SUPT3H: variants seen among roughly 807,000 people sequenced by gnomAD.
The protein encoded by SUPT3H is transcription initiation protein SPT3 homolog.
A neutral mutation model predicts 44.3 loss-of-function variants in SUPT3H; 44 were observed. The ratio of observed to expected loss-of-function variants is 0.99; its 90% CI spans 0.78 to 1.28. The LOEUF (loss-of-function observed/expected upper bound fraction) is 1.28, where lower values mean the gene tolerates loss of function less well. Among genes scored for constraint, SUPT3H ranks in the 50% most tolerant of loss-of-function variants. The pLI is 0.00. For missense variants in SUPT3H, 380 were observed against 387.1 expected (o/e 0.98, Z 0.15); for synonymous variants, 124 against 125.6 (o/e 0.99, Z 0.09).
chr6:44,893,248 TTAAG>T (rs1207700478), intron 10 of SUPT3H, among the ~76,000 whole-genome samples: 4 of 152,184 alleles, frequency 2.6e-5, no homozygotes, highest in Non-Finnish European at 5.9e-5. Context: ...TTATTATACT[TTAAG>T]TTTTAGGGTA....
At chr6:44,992,689 A>G (rs1478373573) in intron 6 of SUPT3H, among the ~76,000 whole-genome samples, 1 of 151,570 alleles carries the variant, frequency 6.6e-6, no homozygotes, top group East Asian at 1.9e-4. Context: ...GAAAACTTTT[A>G]AATTTCATCC....
chr6:44,976,422 C>T (rs190166519), intron 6 of SUPT3H, among the ~76,000 whole-genome samples: 8 of 151,570 alleles, frequency 5.3e-5, no homozygotes, highest in East Asian at 1.9e-4. Flanking sequence ...AGTGCAGTGG[C>T]GCAATCTTGG....
intron 2 of SUPT3H, among the ~76,000 whole-genome samples, chr6:45,171,487 T>C (rs1810759320): frequency 6.6e-6 from 1 of 152,064 alleles, no homozygotes; most frequent in South Asian, 2.1e-4. Flanking sequence ...CAGAAATCAG[T>C]ACATGCTATT....
chr6:44,821,539 T>C (rs1019440844), intron 11 of SUPT3H, among the ~76,000 whole-genome samples: 9 of 152,158 alleles, frequency 5.9e-5, no homozygotes, highest in African/African-American at 2.2e-4. Flanking sequence ...TTTAGTATCA[T>C]TAGCTGGGAA....
chr6:44,903,271 G>A (rs1026645112), intron 10 of SUPT3H, among the ~76,000 whole-genome samples: 18 of 151,984 alleles, frequency 1.2e-4, no homozygotes, highest in African/African-American at 1.7e-4. Flanking sequence ...CAACAAAATT[G>A]ATAGACCGCT....
At chr6:45,214,015 C>CAAA (rs11418358) in intron 2 of SUPT3H, among the ~76,000 whole-genome samples, 21,311 of 73,874 alleles carry the variant, frequency 0.29, 4,226 homozygotes, top group East Asian at 0.44. Flanking sequence ...TTTTGAAATG[C>CAAA]AAAAAAAAAA....
intron 1 of SUPT3H, among the ~76,000 whole-genome samples, chr6:45,376,583 G>A (rs569830898): frequency 2.0e-5 from 3 of 152,332 alleles, no homozygotes; most frequent in Admixed American, 6.5e-5. Flanking sequence ...CTAGTGAAAA[G>A]TGCAGCCCTA....
intron 10 of SUPT3H, among the ~76,000 whole-genome samples, chr6:44,839,737 T>C (rs940175285): frequency 6.6e-5 from 10 of 152,168 alleles, no homozygotes; most frequent in Non-Finnish European, 1.5e-4. Context: ...AGTCTCTCTC[T>C]GTCGCCCAGG....
At chr6:44,971,089 G>C (rs1368511569) in intron 6 of SUPT3H, among the ~76,000 whole-genome samples, 1 of 152,150 alleles carries the variant, frequency 6.6e-6, no homozygotes. Context: ...TCCCTTTGTT[G>C]CTACTATGTG....
chr6:44,900,444 T>A (rs1009831781), intron 10 of SUPT3H, among the ~76,000 whole-genome samples: 4 of 152,176 alleles, frequency 2.6e-5, no homozygotes, highest in African/African-American at 7.2e-5. Context: ...TAGTCTGAGA[T>A]CAAACCGCAA....
rs567891621 is a variant in SUPT3H at position 44,906,239 on chromosome 6, A to G, written c.912+26414T>C. On this transcript the variant is annotated intron_variant, in intron 10 of 10. Coordinates refer to ENST00000371459, the MANE Select transcript of SUPT3H (RefSeq NM_003599.4). ...CAAAAGCCATTATGCTTTTTACTCG[A>G]GTGTTAATGAATGCAAAGAGATTAG... is the stretch of plus-strand genomic sequence containing the variant. Among the ~76,000 whole-genome samples, 7 of 152,300 alleles carry G rather than the reference A, an allele frequency of 4.6e-5. No homozygotes were observed. The South Asian group carries it at 1.2e-3, about 27-fold the overall frequency.
chr6:45,316,223 T>C (rs1427134316), intron 2 of SUPT3H, among the ~76,000 whole-genome samples: 1 of 152,104 alleles, frequency 6.6e-6, no homozygotes, highest in Non-Finnish European at 1.5e-5. Flanking sequence ...TATGGTGCAG[T>C]GTATACTGCT....
chr6:45,190,602 T>C (rs997021463), intron 2 of SUPT3H, among the ~76,000 whole-genome samples: 2 of 152,072 alleles, frequency 1.3e-5, no homozygotes, highest in Non-Finnish European at 2.9e-5. Context: ...TTTGAAAACG[T>C]AGATAGTTTA....
chr6:45,071,849 C>T (rs1245218581), intron 3 of SUPT3H, among the ~76,000 whole-genome samples: 1 of 152,148 alleles, frequency 6.6e-6, no homozygotes, highest in Non-Finnish European at 1.5e-5. Context: ...CCCAGACCTA[C>T]CAAAGAAATG....
intron 3 of SUPT3H, among the ~76,000 whole-genome samples, chr6:45,081,035 A>ATATATATATGTACATATATACG (rs1795729971): frequency 6.6e-6 from 1 of 151,140 alleles, no homozygotes; most frequent in African/African-American, 2.4e-5. Context: ...TATATCCCAT[A>ATATATATATGTACATATATACG]TATATATGTA....
chr6:45,243,354 TAAC>T lies in SUPT3H; in HGVS notation c.101+121844_101+121846del, dbSNP rs146564852. ...AAGTGAAAAAACTCACTGCACAGCT[TAAC>T]AAAGTCAGCCAATGAAAAGAAATAA... is the stretch of plus-strand genomic sequence containing the variant. On this transcript the variant is annotated intron_variant, in intron 2 of 10. Coordinates refer to ENST00000371459, the MANE Select transcript of SUPT3H (RefSeq NM_003599.4). Among the ~76,000 whole-genome samples the T allele has an allele frequency of 7.2e-3, 1,091 of 152,052 alleles. 19 individuals carry two copies. The highest frequency in any genetic ancestry group is 0.025 in the African/African-American group (1,038 of 41,510).
intron 2 of SUPT3H, among the ~76,000 whole-genome samples, chr6:45,145,303 C>G (rs1033855301): frequency 6.6e-6 from 1 of 152,078 alleles, no homozygotes; most frequent in East Asian, 1.9e-4. Flanking sequence ...CAACATGGTA[C>G]TGCTATAAAA....
chr6:45,147,876 G>A (rs940925409), intron 2 of SUPT3H, among the ~76,000 whole-genome samples: 1 of 152,000 alleles, frequency 6.6e-6, no homozygotes, highest in African/African-American at 2.4e-5. Context: ...AGAGAAAGAA[G>A]AAAGATGATG....
At chr6:45,092,742 C>T (rs1797296268) in intron 3 of SUPT3H, among the ~76,000 whole-genome samples, 1 of 82,928 alleles carries the variant, frequency 1.2e-5, no homozygotes, top group Non-Finnish European at 2.2e-5. Flanking sequence ...AACGGTGAGA[C>T]TTCGTCTCAA....
Sources: allele counts gnomAD v4.1 joint callset (sites outside exome capture counted in the v4.1 genomes callset), GRCh38; gene constraint gnomAD v4.1.1; transcripts MANE v1.5; gene names NCBI Gene and HGNC (gene_info 2026-07-23, HGNC 2026-07-21).